Variants in CSMD1 observed in about 807,000 individuals in gnomAD.
The protein encoded by CSMD1 is CUB and Sushi multiple domains 1, also known as CUB and sushi domain-containing protein 1.
A neutral mutation model predicts 417.5 loss-of-function variants in CSMD1; 213 were observed. That is an observed-to-expected ratio of 0.51 (90% CI 0.46 to 0.57). The LOEUF is 0.57. Ranked by LOEUF, CSMD1 falls within the 20% of genes least tolerant of loss-of-function variation. The probability of loss-of-function intolerance (pLI) is 0.00; values close to 1 mark genes in which losing one functional copy is unlikely to be tolerated. For missense variants in CSMD1, 6,923 were observed against 4,529.7 expected, an observed-to-expected ratio of 1.53 and a Z score of -15.17; for synonymous variants, 2,862 against 1,736.8, an observed-to-expected ratio of 1.65 and a Z score of -16.11.
intron 4 of CSMD1, among the ~76,000 whole-genome samples, chr8:4,004,131 G>C (rs1523253): frequency 0.95 from 144,510 of 152,210 alleles, 68,680 homozygotes; most frequent in Middle Eastern, 0.99. Flanking sequence ...TATATTTCAA[G>C]TTAACTATAA....
intron 10 of CSMD1, among the ~76,000 whole-genome samples, chr8:3,569,917 A>G (rs1799876691): frequency 6.6e-6 from 1 of 152,250 alleles, no homozygotes; most frequent in Non-Finnish European, 1.5e-5. Context: ...ACAAAGGGCA[A>G]ATAATTTTCT....
intron 3 of CSMD1, among the ~76,000 whole-genome samples, chr8:4,223,063 G>A (rs1000834607): frequency 1.3e-5 from 2 of 151,922 alleles, no homozygotes; most frequent in African/African-American, 4.8e-5. Flanking sequence ...GGACATTGGA[G>A]AGCTGCCTAA....
intron 26 of CSMD1, among the ~76,000 whole-genome samples, chr8:3,260,280 G>A (rs55726371): frequency 0.31 from 47,082 of 151,896 alleles, 7,518 homozygotes; most frequent in Admixed American, 0.36. Flanking sequence ...TCCTCGCCCA[G>A]AATAGAAACG....
intron 7 of CSMD1, among the ~76,000 whole-genome samples, chr8:3,668,249 T>C (rs1476546087): frequency 2.0e-5 from 3 of 152,196 alleles, no homozygotes; most frequent in Admixed American, 6.5e-5. Context: ...GATCTCATTC[T>C]GGGTGATGAG....
chr8:3,567,604 A>T (rs13271433), intron 10 of CSMD1, among the ~76,000 whole-genome samples: 63,323 of 151,354 alleles, frequency 0.42, 13,844 homozygotes, highest in African/African-American at 0.54. Context: ...AGAAAGAAAA[A>T]GCCTATAATA....
At chr8:4,650,791 ATTC>A (rs1585393810) in intron 1 of CSMD1, among the ~76,000 whole-genome samples, 2 of 152,274 alleles carry the variant, frequency 1.3e-5, no homozygotes, top group East Asian at 3.9e-4. Context: ...TCTAGATTCT[ATTC>A]TTCTTTATTT....
At chr8:3,226,228 G>A (rs1313592203) in intron 27 of CSMD1, among the ~76,000 whole-genome samples, 1 of 152,084 alleles carries the variant, frequency 6.6e-6, no homozygotes, top group African/African-American at 2.4e-5. Context: ...TTGGACTTGG[G>A]GAAAAGCAAT....
chr8:3,331,676 T>A (rs1036166018), intron 23 of CSMD1, among the ~76,000 whole-genome samples: 4 of 152,202 alleles, frequency 2.6e-5, no homozygotes, highest in African/African-American at 9.7e-5. Flanking sequence ...ATATTTCTCT[T>A]TTACCATGGC....
At chr8:4,881,945 C>A (rs979805005) in intron 1 of CSMD1, among the ~76,000 whole-genome samples, 1 of 151,904 alleles carries the variant, frequency 6.6e-6, no homozygotes, top group Non-Finnish European at 1.5e-5. Context: ...GGAGAATCAG[C>A]TTCATGCAAT....
chr8:4,543,081 T>C (rs1424730262), intron 2 of CSMD1, among the ~76,000 whole-genome samples: 1 of 152,172 alleles, frequency 6.6e-6, no homozygotes, highest in East Asian at 1.9e-4. Context: ...CCTCCCATAG[T>C]TTTCCCTATT....
chr8:3,267,780 C>CG (rs1360610633), intron 26 of CSMD1, among the ~76,000 whole-genome samples: 3 of 152,046 alleles, frequency 2.0e-5, no homozygotes, highest in African/African-American at 4.8e-5. Flanking sequence ...GGGAGTGGAG[C>CG]GGGGAGACCA....
intron 2 of CSMD1, among the ~76,000 whole-genome samples, chr8:4,606,866 C>A (rs922027221): frequency 6.6e-6 from 1 of 152,104 alleles, no homozygotes; most frequent in Admixed American, 6.5e-5. Flanking sequence ...AGTGAAATCA[C>A]AAAAATAACT....
chr8:4,322,440 A>C (rs747430277), intron 3 of CSMD1, among the ~76,000 whole-genome samples: 6 of 152,178 alleles, frequency 3.9e-5, no homozygotes, highest in Non-Finnish European at 7.3e-5. Flanking sequence ...ATATTCTATC[A>C]TAAGAGTAGG....
intron 1 of CSMD1, among the ~76,000 whole-genome samples, chr8:4,748,583 G>C (rs1480961144): frequency 6.6e-6 from 1 of 152,190 alleles, no homozygotes; most frequent in Admixed American, 6.5e-5. Context: ...AGCATTCTGA[G>C]AAGACTCACG....
intron 3 of CSMD1, among the ~76,000 whole-genome samples, chr8:4,180,440 G>T (rs898273861): frequency 5.8e-5 from 7 of 121,690 alleles, no homozygotes; most frequent in Non-Finnish European, 1.0e-4. Flanking sequence ...GGTGGGGGGA[G>T]GGGGGAGGGA....
At chr8:4,039,362 C>A (rs557555466) in intron 3 of CSMD1, among the ~76,000 whole-genome samples, 1 of 152,268 alleles carries the variant, frequency 6.6e-6, no homozygotes, top group East Asian at 1.9e-4. Context: ...GCTCTTCACC[C>A]CACTCTCTCT....
At chr8:3,299,043 A>T (rs1804182274) in intron 25 of CSMD1, among the ~76,000 whole-genome samples, 1 of 152,236 alleles carries the variant, frequency 6.6e-6, no homozygotes, top group African/African-American at 2.4e-5. Context: ...TCCAACAAAA[A>T]ATATGATACA....
chr8:4,038,186 ATCT>A (rs1195495017), intron 3 of CSMD1, among the ~76,000 whole-genome samples: 1 of 152,156 alleles, frequency 6.6e-6, no homozygotes, highest in Non-Finnish European at 1.5e-5. Flanking sequence ...GGGGATTTTT[ATCT>A]TCAACAAATT....
intron 3 of CSMD1, among the ~76,000 whole-genome samples, chr8:4,066,027 C>T (rs1439165071): frequency 1.3e-5 from 2 of 152,138 alleles, no homozygotes; most frequent in Admixed American, 1.3e-4. Flanking sequence ...TGGAGGAAGT[C>T]AGAAGGAGCC....
Sources: allele counts gnomAD v4.1 joint callset (sites outside exome capture counted in the v4.1 genomes callset), GRCh38; gene constraint gnomAD v4.1.1; transcripts MANE v1.5; gene names NCBI Gene and HGNC (gene_info 2026-07-23, HGNC 2026-07-21).